The following CAMK2D variants were observed in gnomAD, a reference collection of about 807,000 sequenced individuals.
CAMK2D encodes calcium/calmodulin-dependent protein kinase type II subunit delta.
CAMK2D carries 37 observed loss-of-function variants against 84.0 expected under a neutral mutation model. The observed-to-expected ratio is 0.44, with a 90% CI of 0.34 to 0.58. The LOEUF is 0.58. Among genes scored for constraint, CAMK2D ranks in the 20% least tolerant of loss-of-function variants. The pLI, the probability that CAMK2D is intolerant of heterozygous loss-of-function variation, is 0.02. For synonymous variants in CAMK2D, 202 were observed against 212.5 expected, an observed-to-expected ratio of 0.95 and a Z score of 0.43; for missense variants, 448 against 652.5, an observed-to-expected ratio of 0.69 and a Z score of 3.41.
rs397995032 is a variant in CAMK2D at position 113,709,746 on chromosome 4, GATATAT to G, written c.161-47980_161-47975del. On this transcript the variant is annotated intron_variant, in intron 2 of 20. Transcript: ENST00000511664. Reference sequence around the variant, plus strand: ...GAGTGAAAAGCTAAAAGCCGTGAACGATATATATATATATATATATATATATATATA... The same window carrying G: ...GAGTGAAAAGCTAAAAGCCGTGAACGATATATATATATATATATATATATA... Among the ~76,000 whole-genome samples, 278 of 49,798 alleles carry G rather than the reference GATATAT, an allele frequency of 5.6e-3. 32 individuals are homozygous for G. Among genetic ancestry groups the G allele is most frequent in the South Asian group, 0.031 (50 of 1,632 alleles). 32.7% of individuals were successfully genotyped at this position (49,798 alleles called of 152,430 possible).
At chr4:113,510,206 AT>A (rs2098191867) in intron 12 of CAMK2D, among the ~76,000 whole-genome samples, 1 of 152,226 alleles carries the variant, frequency 6.6e-6, no homozygotes, top group South Asian at 2.1e-4. Flanking sequence ...TTTACAAAAA[AT>A]ATTACTATTT....
At chr4:113,705,364 T>C (rs576907587) in intron 2 of CAMK2D, among the ~76,000 whole-genome samples, 24 of 149,708 alleles carry the variant, frequency 1.6e-4, no homozygotes, top group African/African-American at 5.9e-4. Flanking sequence ...AAATGGAGCC[T>C]AGCACTCCCT....
At chr4:113,586,071 T>C (rs770406307) in intron 4 of CAMK2D, among the ~76,000 whole-genome samples, 2 of 152,162 alleles carry the variant, frequency 1.3e-5, no homozygotes, top group African/African-American at 2.4e-5. Flanking sequence ...TTTTTTGCTT[T>C]AGTAAACTAC....
intron 3 of CAMK2D, among the ~76,000 whole-genome samples, chr4:113,630,734 T>C (rs556202721): frequency 6.6e-6 from 1 of 152,190 alleles, no homozygotes; most frequent in Non-Finnish European, 1.5e-5. Context: ...CTGTGCAAAA[T>C]CTGCCTTCTG....
chr4:113,547,012 A>G (rs2098582133), intron 6 of CAMK2D, among the ~76,000 whole-genome samples: 1 of 152,148 alleles, frequency 6.6e-6, no homozygotes, highest in African/African-American at 2.4e-5. Context: ...TGCTACATAA[A>G]TATTATTTGA....
intron 4 of CAMK2D, among the ~76,000 whole-genome samples, chr4:113,597,455 C>A (rs1381245654): frequency 1.3e-5 from 2 of 152,316 alleles, no homozygotes; most frequent in East Asian, 3.9e-4. Flanking sequence ...ACAACCTCTG[C>A]TAGCTTTCCT....
chr4:113,723,371 T>C (rs1338078880), intron 2 of CAMK2D, among the ~76,000 whole-genome samples: 1 of 151,988 alleles, frequency 6.6e-6, no homozygotes, highest in Non-Finnish European at 1.5e-5. Flanking sequence ...AATACAGGCG[T>C]GTGCCACCAT....
At chr4:113,608,191 T>C (rs1314465508) in intron 4 of CAMK2D, among the ~76,000 whole-genome samples, 1 of 152,186 alleles carries the variant, frequency 6.6e-6, no homozygotes, top group Non-Finnish European at 1.5e-5. Context: ...ACCCACATAA[T>C]ACTAAAAACA....
At chr4:113,623,124 G>C (rs1287553734) in intron 3 of CAMK2D, among the ~76,000 whole-genome samples, 3 of 151,976 alleles carry the variant, frequency 2.0e-5, no homozygotes, top group Non-Finnish European at 2.9e-5. Context: ...ATTCTCAAAG[G>C]TTATACCCTT....
chr4:113,480,887 T>C (rs1290900710), intron 16 of CAMK2D, among the ~76,000 whole-genome samples: 1 of 152,160 alleles, frequency 6.6e-6, no homozygotes, highest in Non-Finnish European at 1.5e-5. Context: ...CTTCCATTCC[T>C]TCTGCCATGT....
chr4:113,546,819 A>G (rs2098578944), intron 6 of CAMK2D, among the ~76,000 whole-genome samples: 1 of 152,160 alleles, frequency 6.6e-6, no homozygotes, highest in Non-Finnish European at 1.5e-5. Context: ...TCCACAGGTA[A>G]AACTAGAGTG....
intron 16 of CAMK2D, among the ~76,000 whole-genome samples, chr4:113,491,444 T>C (rs2097842802): frequency 6.6e-6 from 1 of 150,932 alleles, no homozygotes; most frequent in Non-Finnish European, 1.5e-5. Flanking sequence ...CTGGATTACA[T>C]TTATTGATTT....
At chr4:113,686,567 A>G (rs1160844134) in intron 2 of CAMK2D, among the ~76,000 whole-genome samples, 1 of 152,186 alleles carries the variant, frequency 6.6e-6, no homozygotes, top group Non-Finnish European at 1.5e-5. Context: ...TTAATTTTTA[A>G]ATTTAAGAAG....
At chr4:113,706,247 G>A (rs1160191880) in intron 2 of CAMK2D, among the ~76,000 whole-genome samples, 1 of 152,022 alleles carries the variant, frequency 6.6e-6, no homozygotes, top group African/African-American at 2.4e-5. Flanking sequence ...GAATGAACAT[G>A]AACTTTTAAT....
At chr4:113,757,412 G>A (rs1180675752) in intron 2 of CAMK2D, among the ~76,000 whole-genome samples, 1 of 152,048 alleles carries the variant, frequency 6.6e-6, no homozygotes, top group Non-Finnish European at 1.5e-5. Context: ...AGAGAAACTA[G>A]TTAATGTGCT....
At chr4:113,473,638 AAAAT>A (rs1185360122) in intron 16 of CAMK2D, among the ~76,000 whole-genome samples, 1 of 152,206 alleles carries the variant, frequency 6.6e-6, no homozygotes, top group East Asian at 1.9e-4. Flanking sequence ...AGGATTAAAA[AAAAT>A]AAATAAATTA....
chr4:113,556,859 A>AT (rs1221511699), intron 4 of CAMK2D, among the ~76,000 whole-genome samples: 2 of 152,204 alleles, frequency 1.3e-5, no homozygotes, highest in Admixed American at 6.5e-5. Context: ...ATAATGGGAC[A>AT]TTGTCTCTTC....
At chr4:113,735,778 A>G (rs1413359935) in intron 2 of CAMK2D, among the ~76,000 whole-genome samples, 2 of 152,180 alleles carry the variant, frequency 1.3e-5, no homozygotes, top group African/African-American at 4.8e-5. Flanking sequence ...AAAAACAAAA[A>G]GACTAGATTA....
At chr4:113,635,568 T>C (rs1359642580) in intron 3 of CAMK2D, among the ~76,000 whole-genome samples, 1 of 152,236 alleles carries the variant, frequency 6.6e-6, no homozygotes. Flanking sequence ...ACAAGTCCAT[T>C]GTACTTGAAA....
Sources: allele counts gnomAD v4.1 joint callset (sites outside exome capture counted in the v4.1 genomes callset), GRCh38; gene constraint gnomAD v4.1.1; transcripts MANE v1.5; gene names NCBI Gene and HGNC (gene_info 2026-07-23, HGNC 2026-07-21).